Variants in CREB5 observed in about 807,000 individuals in gnomAD.
CREB5 encodes the protein cyclic AMP-responsive element-binding protein 5.
Under a neutral mutation model 57.1 loss-of-function variants are expected in CREB5, and 19 were observed. The observed-to-expected ratio is 0.33, with a 90% CI of 0.23 to 0.49. The LOEUF (loss-of-function observed/expected upper bound fraction) is 0.49. CREB5 is among the 20% of genes least tolerant of loss of function. CREB5 has a pLI of 0.99. For synonymous variants in CREB5, 238 were observed against 238.3 expected (o/e 1.00, Z 0.01); for missense variants, 579 against 671.6 (o/e 0.86, Z 1.52).
intron 1 of CREB5, among the ~76,000 whole-genome samples, chr7:28,455,997 C>G (rs1178679910): frequency 6.6e-6 from 1 of 152,170 alleles, no homozygotes; most frequent in Non-Finnish European, 1.5e-5. Flanking sequence ...AACTTTTAAC[C>G]TCAGTCCCCA....
At chr7:28,650,565 A>G (rs899750949) in intron 5 of CREB5, among the ~76,000 whole-genome samples, 4 of 152,194 alleles carry the variant, frequency 2.6e-5, no homozygotes, top group African/African-American at 9.6e-5. Context: ...TCACAACACC[A>G]GGCTACTAAG....
intron 6 of CREB5, among the ~76,000 whole-genome samples, chr7:28,722,109 A>G (rs950379434): frequency 3.9e-5 from 6 of 152,350 alleles, no homozygotes; most frequent in Admixed American, 2.6e-4. Context: ...TTGGAAATGC[A>G]ATTTTTTAAA....
chr7:28,680,964 A>G (rs1054982340), intron 5 of CREB5, among the ~76,000 whole-genome samples: 2 of 152,116 alleles, frequency 1.3e-5, no homozygotes, highest in Non-Finnish European at 2.9e-5. Context: ...GAGAATATTT[A>G]GCTGCTCTCA....
rs145045680 is a variant in CREB5, at chr7:28,760,710, G to A, written c.702+36378G>A. Reference sequence around the variant, plus strand: ...GGTCTGTGTTTAGAGACAAGAAGGAGTAATAAAAGCATTGAATAAAAAAGA... The same window carrying A: ...GGTCTGTGTTTAGAGACAAGAAGGAATAATAAAAGCATTGAATAAAAAAGA... On this transcript the variant is annotated intron_variant, in intron 7 of 10. Coordinates refer to ENST00000357727, the MANE Select transcript of CREB5 (RefSeq NM_182898.4). Among the ~76,000 whole-genome samples the A allele has an allele frequency of 9.2e-4, 140 of 152,248 alleles. No homozygotes were observed. In the East Asian group the frequency reaches 0.019, roughly 21 times the overall value.
rs1009565284 is a variant in CREB5 at position 28,359,710 on chromosome 7, A to G, written c.-25+60269A>G. On this transcript the variant is annotated intron_variant, in intron 1 of 9. Transcript: ENST00000396299. ...AAAAGCTCAGGCAATGAAAGCAAAA[A>G]TAGATAAATAGGATTACATCAAACT... Among the ~76,000 whole-genome samples, 7 of 152,332 alleles carry G rather than the reference A, an allele frequency of 4.6e-5. No individual in the cohort carries two copies. The South Asian group carries it at 1.4e-3, about 32-fold the overall frequency.
At chr7:28,392,099 A>T (rs906884322) in intron 1 of CREB5, among the ~76,000 whole-genome samples, 1 of 152,152 alleles carries the variant, frequency 6.6e-6, no homozygotes, top group Non-Finnish European at 1.5e-5. Flanking sequence ...AAAGAGGGGA[A>T]CAACACACGC....
chr7:28,786,819 C>T (rs972186767), intron 7 of CREB5, among the ~76,000 whole-genome samples: 23 of 152,180 alleles, frequency 1.5e-4, no homozygotes, highest in African/African-American at 4.8e-4. Context: ...GAGTCTGCGC[C>T]TCTTCTCCCA....
intron 5 of CREB5, among the ~76,000 whole-genome samples, chr7:28,627,170 G>A (rs1349500714): frequency 2.6e-5 from 4 of 152,096 alleles, no homozygotes; most frequent in African/African-American, 7.2e-5. Context: ...GTCTTCTACC[G>A]TGGCTGCTGG....
At chr7:28,334,970 A>G (rs190253427) in intron 1 of CREB5, among the ~76,000 whole-genome samples, 1 of 152,220 alleles carries the variant, frequency 6.6e-6, no homozygotes, top group East Asian at 1.9e-4. Flanking sequence ...TCCTTTTCCT[A>G]TTGTATGTTC....
At chr7:28,457,434 G>C (rs1242104916) in intron 1 of CREB5, among the ~76,000 whole-genome samples, 1 of 152,156 alleles carries the variant, frequency 6.6e-6, no homozygotes, top group Non-Finnish European at 1.5e-5. Flanking sequence ...GCAGGCAGTT[G>C]CTGCTCATTG....
rs183605149 is a variant in CREB5, at chr7:28,560,881, T to C, written c.292-9484T>C. 6.8e-3 allele frequency among the ~76,000 whole-genome samples: 314 copies of C among 46,210 alleles called. 27 individuals carry two copies. The highest frequency in any genetic ancestry group is 0.018 in the African/African-American group (169 of 9,356). 30.3% of individuals were successfully genotyped at this position (46,210 alleles called of 152,430 possible). A position where few individuals can be genotyped will look rare whatever the true frequency, so the allele number is the denominator to read the frequency against. ...GTGCGTGTGCCTGCGTGCGCGTGCGTGCGTGCGTGTGTGTGCGTGCGCGCG... is the reference window on the plus strand; with the variant it reads ...GTGCGTGTGCCTGCGTGCGCGTGCGCGCGTGCGTGTGTGTGCGTGCGCGCG... On this transcript the variant is annotated intron_variant, in intron 4 of 10. Coordinates refer to ENST00000357727, the MANE Select transcript of CREB5 (RefSeq NM_182898.4).
In CREB5 at chr7:28,560,947, T is replaced by TGCGC. The variant is rs1562798055; in HGVS notation, c.292-9417_292-9416insCGCG. Among the ~76,000 whole-genome samples, 83 of 21,160 alleles carry TGCGC rather than the reference T, an allele frequency of 3.9e-3. 2 individuals carry two copies. Among genetic ancestry groups the TGCGC allele is most frequent in the African/African-American group, 0.012 (70 of 5,848 alleles). The allele number at this position is 21,160 out of a possible 152,430, so 13.9% of individuals were successfully genotyped here. The stretch of plus-strand genomic sequence containing the variant: ...GCGCGTGCGTGTGTGCGTGCGTGTG[T>TGCGC]GTGCGTGTGTGTGCGTGTGTGTGTG... On this transcript the variant is annotated intron_variant, in intron 4 of 10. Transcript: ENST00000357727.
rs1006052834 is a variant in CREB5, at chr7:28,458,377, G to T, written c.4-29798G>T. Reference sequence around the variant, plus strand: ...AGGCAGAATTGGGGCCTAGCTTCATGGATTGCAAATGTGCATGACATGGGT... The same window carrying T: ...AGGCAGAATTGGGGCCTAGCTTCATTGATTGCAAATGTGCATGACATGGGT... On this transcript the variant is annotated intron_variant, in intron 1 of 10. Coordinates refer to ENST00000357727, the MANE Select transcript of CREB5 (RefSeq NM_182898.4). Among the ~76,000 whole-genome samples, 25 of 152,156 alleles carry T rather than the reference G, an allele frequency of 1.6e-4. 1 individual carries two copies.
At chr7:28,593,624 T>C (rs1237282585) in intron 5 of CREB5, among the ~76,000 whole-genome samples, 1 of 152,244 alleles carries the variant, frequency 6.6e-6, no homozygotes, top group Non-Finnish European at 1.5e-5. Context: ...AGTGGAGACA[T>C]TTCTATGAAT....
rs576310039 is a variant in CREB5 at position 28,540,808 on chromosome 7, G to T, written c.292-29557G>T. On this transcript the variant is annotated intron_variant, in intron 4 of 10. Coordinates refer to ENST00000357727, the MANE Select transcript of CREB5 (RefSeq NM_182898.4). ...TCAGAAAGGAGCTCTTGCAGTAAAA[G>T]ACACCTAGGGCGCTTTCATCCCTGT... is the stretch of plus-strand genomic sequence containing the variant. 2.0e-5 allele frequency among the ~76,000 whole-genome samples: 3 copies of T among 152,298 alleles called. No individual in the cohort carries two copies. The East Asian group carries it at 5.8e-4, about 29-fold the overall frequency.
chr7:28,797,779 T>A (rs1407841455), intron 7 of CREB5, among the ~76,000 whole-genome samples: 1 of 152,214 alleles, frequency 6.6e-6, no homozygotes, highest in African/African-American at 2.4e-5. Context: ...ATTTGGGCTT[T>A]TTTAGTAATT....
chr7:28,599,657 T>C (rs1796831107), intron 5 of CREB5, among the ~76,000 whole-genome samples: 1 of 152,180 alleles, frequency 6.6e-6, no homozygotes, highest in African/African-American at 2.4e-5. Flanking sequence ...ATTAGTAAAA[T>C]TCCAACACCT....
chr7:28,584,861 G>A (rs1796252834), intron 5 of CREB5, among the ~76,000 whole-genome samples: 1 of 151,702 alleles, frequency 6.6e-6, no homozygotes, highest in African/African-American at 2.4e-5. Context: ...AAGAGAAAAA[G>A]CCAACTAAAA....
At chr7:28,445,610 G>A (rs187986326) in intron 1 of CREB5, among the ~76,000 whole-genome samples, 106 of 151,836 alleles carry the variant, frequency 7.0e-4, no homozygotes, top group Non-Finnish European at 3.2e-4. Flanking sequence ...GGAGTGCAGT[G>A]GCGCGATCTC....
Sources: gnomAD v4.1 joint callset for allele counts (sites outside exome capture counted in the v4.1 genomes callset) on GRCh38, gnomAD v4.1.1 for gene constraint, MANE v1.5 for transcripts, NCBI Gene and HGNC (gene_info 2026-07-23, HGNC 2026-07-21) for gene names.